The following PRORP variants were observed in gnomAD, a reference collection of about 807,000 sequenced individuals.
PRORP encodes protein only RNase P catalytic subunit.
In PRORP, 51 loss-of-function variants were observed where a neutral mutation model predicts 59.4. The observed-to-expected ratio is 0.86, with a 90% CI of 0.69 to 1.08. The LOEUF (loss-of-function observed/expected upper bound fraction) is 1.08, where lower values mean the gene tolerates loss of function less well. Ranked by LOEUF, PRORP falls within the 50% of genes least tolerant of loss-of-function variation. The pLI, the probability that PRORP is intolerant of heterozygous loss-of-function variation, is 0.00. For missense variants in PRORP, 646 were observed against 690.3 expected (o/e 0.94, Z 0.72); for synonymous variants, 231 against 245.6 (o/e 0.94, Z 0.55).
At position 35,273,559 on chromosome 14, in the gene PRORP, A is replaced by G. The variant is rs780552791; in HGVS notation, c.1745A>G (p.Lys582Arg). Reference protein sequence around the residue: ...VPTKWLCLHQKT With the variant: ...VPTKWLCLHQRT Reference sequence around the variant, plus strand: ...ACCAAATGGCTTTGCCTCCACCAAAAGACATAGAGATTCTTACCTCTATGC... The same window carrying G: ...ACCAAATGGCTTTGCCTCCACCAAAGGACATAGAGATTCTTACCTCTATGC... The change falls in exon 8 of 8, where the codon AAG (lysine) becomes AGG (arginine). Residue 582 changes from lysine to arginine, a missense_variant. Coordinates refer to ENST00000534898, the MANE Select transcript of PRORP (RefSeq NM_014672.4). The G allele has an allele frequency of 5.0e-6, 8 of 1,612,624 alleles. No homozygotes were observed. The highest frequency in any genetic ancestry group is 1.6e-4 in the Middle Eastern group (1 of 6,080).
At chr14:35,243,916 G>C (rs1020009568) in intron 5 of PRORP, among the ~76,000 whole-genome samples, 2 of 152,084 alleles carry the variant, frequency 1.3e-5, no homozygotes, top group East Asian at 3.9e-4. Flanking sequence ...AAAAATGGAA[G>C]ACTCTTCTTT....
At chr14:35,174,986 C>G (rs187375271) in intron 4 of PRORP, among the ~76,000 whole-genome samples, 16 of 147,458 alleles carry the variant, frequency 1.1e-4, no homozygotes, top group African/African-American at 3.8e-4. Context: ...AATAAGAACA[C>G]GCGGTGTTTG....
chr14:35,240,537 C>T (rs2050338808), intron 5 of PRORP, among the ~76,000 whole-genome samples: 1 of 152,172 alleles, frequency 6.6e-6, no homozygotes, highest in African/African-American at 2.4e-5. Context: ...AAAGAACCAA[C>T]ATTTAGTTCA....
chr14:35,167,730 A>G (rs1426661658), intron 4 of PRORP, among the ~76,000 whole-genome samples: 1 of 152,230 alleles, frequency 6.6e-6, no homozygotes, highest in Non-Finnish European at 1.5e-5. Flanking sequence ...TCCAACCAAA[A>G]GAGCTGGTAT....
In PRORP at chr14:35,266,916, G is replaced by GTAT; in HGVS notation, c.1424+41_1424+42insTAT. On this transcript the variant is annotated intron_variant, in intron 6 of 7. Coordinates refer to ENST00000534898, the MANE Select transcript of PRORP (RefSeq NM_014672.4). ...AATAGGTGAATTATACTGTGCTGCA[G>GTAT]ACATCTATCTGCTTGTTAGTTACCT... 4 of 1,607,438 alleles carry GTAT rather than the reference G, an allele frequency of 2.5e-6. No individual in the cohort carries two copies. In the South Asian group the frequency reaches 4.4e-5, roughly 18 times the overall value.
At chr14:35,160,102 G>C (rs958348444) in intron 4 of PRORP, among the ~76,000 whole-genome samples, 1 of 152,198 alleles carries the variant, frequency 6.6e-6, no homozygotes, top group Non-Finnish European at 1.5e-5. Flanking sequence ...TCTTCCAGTT[G>C]TACGTTGCTC....
intron 4 of PRORP, among the ~76,000 whole-genome samples, chr14:35,175,905 A>AT (rs1242971500): frequency 2.0e-5 from 3 of 152,154 alleles, no homozygotes; most frequent in Non-Finnish European, 4.4e-5. Flanking sequence ...TCCAACTTGA[A>AT]TTAATTTTTG....
intron 7 of PRORP, among the ~76,000 whole-genome samples, chr14:35,272,748 A>G (rs2051225143): frequency 6.6e-6 from 1 of 152,100 alleles, no homozygotes; most frequent in Non-Finnish European, 1.5e-5. Flanking sequence ...TCATTATAGC[A>G]TTTCTCTACT....
At chr14:35,219,783 T>C (rs183582456) in intron 5 of PRORP, among the ~76,000 whole-genome samples, 2 of 152,302 alleles carry the variant, frequency 1.3e-5, no homozygotes, top group Admixed American at 6.5e-5. Context: ...AGAGTAGAGG[T>C]GTCAGTTTCT....
At chr14:35,176,332 A>G (rs954080373) in intron 4 of PRORP, among the ~76,000 whole-genome samples, 6 of 152,196 alleles carry the variant, frequency 3.9e-5, no homozygotes, top group Non-Finnish European at 7.3e-5. Flanking sequence ...TACCTTGGGC[A>G]GTATGGCCAT....
intron 5 of PRORP, among the ~76,000 whole-genome samples, chr14:35,193,520 T>C (rs1309912171): frequency 6.6e-6 from 1 of 152,198 alleles, no homozygotes; most frequent in Non-Finnish European, 1.5e-5. Flanking sequence ...ACTCAAGTTA[T>C]TTTATTTCTT....
At chr14:35,136,099 C>T (rs1202236051) in intron 4 of PRORP, among the ~76,000 whole-genome samples, 1 of 151,920 alleles carries the variant, frequency 6.6e-6, no homozygotes, top group Non-Finnish European at 1.5e-5. Flanking sequence ...CTGAGTGGTC[C>T]AGGTGTGGGA....
intron 5 of PRORP, among the ~76,000 whole-genome samples, chr14:35,182,723 T>G (rs1170902664): frequency 1.3e-5 from 2 of 152,212 alleles, no homozygotes; most frequent in African/African-American, 4.8e-5. Flanking sequence ...CAGATTAAAA[T>G]ATTTATCTTC....
At chr14:35,176,704 T>A (rs1352733581) in intron 4 of PRORP, among the ~76,000 whole-genome samples, 4 of 152,168 alleles carry the variant, frequency 2.6e-5, no homozygotes, top group Non-Finnish European at 5.9e-5. Context: ...CAATTTGACT[T>A]CTTCTTTTCC....
chr14:35,201,994 G>C (rs181878563), intron 5 of PRORP, among the ~76,000 whole-genome samples: 180 of 143,238 alleles, frequency 1.3e-3, no homozygotes, highest in African/African-American at 4.5e-3. Context: ...TTTTGAGACA[G>C]AGTCTCGACC....
chr14:35,206,275 T>C lies in PRORP; in HGVS notation c.1275+25498T>C, dbSNP rs116504508. ...CATATCCCTGAATCCTTGAGGTCATTAGCTGGGAGAGGAGTGAGGGAATGC... is the reference window on the plus strand; with the variant it reads ...CATATCCCTGAATCCTTGAGGTCATCAGCTGGGAGAGGAGTGAGGGAATGC... On this transcript the variant is annotated intron_variant, in intron 5 of 7. Transcript: ENST00000534898. 5.3e-3 allele frequency among the ~76,000 whole-genome samples: 801 copies of C among 152,294 alleles called. 8 individuals carry two copies. Among genetic ancestry groups the C allele is most frequent in the African/African-American group, 0.018 (754 of 41,550 alleles).
At chr14:35,177,170 C>T (rs1219374830) in intron 4 of PRORP, among the ~76,000 whole-genome samples, 2 of 148,252 alleles carry the variant, frequency 1.3e-5, no homozygotes, top group East Asian at 2.0e-4. Flanking sequence ...ATTTTTCCAT[C>T]GATGTTCATC....
intron 5 of PRORP, among the ~76,000 whole-genome samples, chr14:35,240,329 C>T (rs959432706): frequency 1.4e-4 from 16 of 111,282 alleles, no homozygotes; most frequent in African/African-American, 4.0e-4. Flanking sequence ...AAAATTTACC[C>T]GGGTGGGTTT....
chr14:35,122,036 C>A, upstream of PRORP: 1 of 1,527,084 alleles, frequency 6.5e-7, no homozygotes, highest in Non-Finnish European at 9.1e-7. Flanking sequence ...GCGTCAGCAC[C>A]GCCAGGCCCC....
Sources: gnomAD v4.1 joint callset for allele counts (sites outside exome capture counted in the v4.1 genomes callset) on GRCh38, gnomAD v4.1.1 for gene constraint, MANE v1.5 for transcripts, NCBI Gene and HGNC (gene_info 2026-07-23, HGNC 2026-07-21) for gene names.